ASIC2: variants seen among roughly 807,000 people sequenced by gnomAD.
ASIC2 encodes acid sensing ion channel subunit 2, also known as acid-sensing ion channel 2.
ASIC2 carries 25 observed loss-of-function variants against 57.3 expected under a neutral mutation model. The observed-to-expected ratio is 0.44, with a 90% CI of 0.32 to 0.61. The LOEUF is 0.61. Ranked by LOEUF, ASIC2 falls within the 20% of genes least tolerant of loss-of-function variation. The pLI, the probability that ASIC2 is intolerant of heterozygous loss-of-function variation, is 0.06. For synonymous variants in ASIC2, 319 were observed against 307.5 expected, an observed-to-expected ratio of 1.04 and a Z score of -0.39; for missense variants, 641 against 738.1, an observed-to-expected ratio of 0.87 and a Z score of 1.52.
At chr17:33,412,557 C>T (rs1375818111) in intron 1 of ASIC2, among the ~76,000 whole-genome samples, 1 of 152,188 alleles carries the variant, frequency 6.6e-6, no homozygotes, top group Non-Finnish European at 1.5e-5. Context: ...GAAGGAGAGG[C>T]ACAGTCAGAA....
intron 1 of ASIC2, among the ~76,000 whole-genome samples, chr17:33,699,148 T>C (rs1908620148): frequency 6.6e-6 from 1 of 152,196 alleles, no homozygotes. Context: ...GGACAAGCTC[T>C]GAGCCTGTAA....
chr17:33,535,344 C>G (rs188744673), intron 1 of ASIC2, among the ~76,000 whole-genome samples: 215 of 151,050 alleles, frequency 1.4e-3, no homozygotes, highest in Non-Finnish European at 2.2e-3. Context: ...GCGATCTCGG[C>G]TCACTGCAAG....
intron 3 of ASIC2, among the ~76,000 whole-genome samples, chr17:33,048,597 G>C (rs2091963844): frequency 6.6e-6 from 1 of 152,186 alleles, no homozygotes; most frequent in African/African-American, 2.4e-5. Context: ...ATTCAGTCAA[G>C]AGAGACCACG....
Position 33,318,021 on chromosome 17 carries a change from C to T in ASIC2, c.556-205954G>A, listed in dbSNP as rs543688518. Among the ~76,000 whole-genome samples, 9 of 151,840 alleles carry T rather than the reference C, an allele frequency of 5.9e-5. No individual in the cohort carries two copies. The East Asian group carries it at 9.7e-4, about 16-fold the overall frequency. Reference sequence around the variant, plus strand: ...AAACCTCCAGCATAAGCAAAGTCACCGTCTTTAGGAAAGAGCTGACGGTCG... The same window carrying T: ...AAACCTCCAGCATAAGCAAAGTCACTGTCTTTAGGAAAGAGCTGACGGTCG... On this transcript the variant is annotated intron_variant, in intron 1 of 9. Coordinates refer to the ASIC2 transcript ENST00000359872.
intron 1 of ASIC2, among the ~76,000 whole-genome samples, chr17:33,452,813 A>G (rs1912307600): frequency 6.6e-6 from 1 of 150,830 alleles, no homozygotes. Context: ...ACAAAGGTTT[A>G]TGTGCAGGGT....
At chr17:33,401,395 T>G (rs1304441616) in intron 1 of ASIC2, among the ~76,000 whole-genome samples, 1 of 152,180 alleles carries the variant, frequency 6.6e-6, no homozygotes, top group East Asian at 1.9e-4. Context: ...TGTTAACCTC[T>G]TCCATCCCTT....
At chr17:33,036,436 T>G (rs945575898) in intron 3 of ASIC2, among the ~76,000 whole-genome samples, 1 of 152,122 alleles carries the variant, frequency 6.6e-6, no homozygotes, top group African/African-American at 2.4e-5. Flanking sequence ...ATTTATTTAA[T>G]TAGTTAGTTT....
At chr17:33,205,828 T>A (rs1293915295) in intron 1 of ASIC2, among the ~76,000 whole-genome samples, 1 of 152,224 alleles carries the variant, frequency 6.6e-6, no homozygotes, top group Non-Finnish European at 1.5e-5. Context: ...ACGGTTCCCA[T>A]GCTGGTGGTA....
chr17:33,131,828 C>T (rs893104769), intron 1 of ASIC2: 4 of 152,134 alleles, frequency 2.6e-5, no homozygotes, highest in Non-Finnish European at 5.9e-5. Flanking sequence ...ACATCACACG[C>T]CTAATGGTGC....
chr17:33,617,313 C>A (rs1210797644), intron 1 of ASIC2, among the ~76,000 whole-genome samples: 1 of 152,176 alleles, frequency 6.6e-6, no homozygotes, highest in Non-Finnish European at 1.5e-5. Context: ...GAATACTACA[C>A]AGCCATAAAA....
chr17:33,718,094 G>A (rs753945569), intron 1 of ASIC2, among the ~76,000 whole-genome samples: 1 of 152,026 alleles, frequency 6.6e-6, no homozygotes. Flanking sequence ...CAAAATCTGC[G>A]AATGCTCAAG....
chr17:33,529,290 C>T (rs559169586), intron 1 of ASIC2, among the ~76,000 whole-genome samples: 1 of 152,178 alleles, frequency 6.6e-6, no homozygotes, highest in South Asian at 2.1e-4. Flanking sequence ...TCAGAATCTC[C>T]AGGGGGTAGG....
At chr17:33,313,789 G>A (rs1906531230) in intron 1 of ASIC2, among the ~76,000 whole-genome samples, 1 of 152,072 alleles carries the variant, frequency 6.6e-6, no homozygotes, top group African/African-American at 2.4e-5. Flanking sequence ...CGGAATCGAA[G>A]TAGAAAGGGA....
chr17:34,103,324 T>C (rs1910933980), intron 1 of ASIC2, among the ~76,000 whole-genome samples: 1 of 151,912 alleles, frequency 6.6e-6, no homozygotes, highest in South Asian at 2.1e-4. Flanking sequence ...TTTTTATTTA[T>C]TTTTATATTT....
At chr17:33,492,638 G>C (rs1473009915) in intron 1 of ASIC2, among the ~76,000 whole-genome samples, 1 of 152,174 alleles carries the variant, frequency 6.6e-6, no homozygotes, top group African/African-American at 2.4e-5. Flanking sequence ...AGTAATTGAA[G>C]TCCTGCACAA....
intron 1 of ASIC2, among the ~76,000 whole-genome samples, chr17:34,117,246 G>T (rs1311506702): frequency 6.6e-6 from 1 of 152,060 alleles, no homozygotes; most frequent in Admixed American, 6.6e-5. Context: ...ATCTCTGGTG[G>T]AAAAAAGATA....
chr17:33,630,321 G>A (rs1906123065), intron 1 of ASIC2, among the ~76,000 whole-genome samples: 1 of 152,118 alleles, frequency 6.6e-6, no homozygotes, highest in Non-Finnish European at 1.5e-5. Context: ...GGTTCACATG[G>A]TTCCTTTTCT....
At chr17:33,075,569 G>C (rs2092086078) in intron 3 of ASIC2, among the ~76,000 whole-genome samples, 1 of 152,140 alleles carries the variant, frequency 6.6e-6, no homozygotes, top group South Asian at 2.1e-4. Flanking sequence ...CAGTGATGAG[G>C]CTGTTTTGAT....
At chr17:33,935,493 A>G (rs1916038686) in intron 1 of ASIC2, 1 of 152,274 alleles carries the variant, frequency 6.6e-6, no homozygotes, top group Non-Finnish European at 1.5e-5. Context: ...AGCAATAGCA[A>G]TGAATAAAAA....
Sources: gnomAD v4.1 joint callset for allele counts (sites outside exome capture counted in the v4.1 genomes callset) on GRCh38, gnomAD v4.1.1 for gene constraint, MANE v1.5 for transcripts, NCBI Gene and HGNC (gene_info 2026-07-23, HGNC 2026-07-21) for gene names.